Variants in PLCE1 observed in about 807,000 individuals in gnomAD.
The protein encoded by PLCE1 is 1-phosphatidylinositol 4,5-bisphosphate phosphodiesterase epsilon-1.
In PLCE1, 119 loss-of-function variants were observed where a neutral mutation model predicts 242.8. The observed-to-expected ratio is 0.49, with a 90% CI of 0.42 to 0.57. The LOEUF is 0.57. Among genes scored for constraint, PLCE1 ranks in the 20% least tolerant of loss-of-function variants. The pLI is 0.00. For missense variants in PLCE1, 2,441 were observed against 2,788.8 expected (o/e 0.88, Z 2.81); for synonymous variants, 945 against 1,017.4 (o/e 0.93, Z 1.35).
At chr10:94,158,325 A>T (rs2047496433) in intron 3 of PLCE1, among the ~76,000 whole-genome samples, 2 of 152,136 alleles carry the variant, frequency 1.3e-5, no homozygotes, top group African/African-American at 4.8e-5. Context: ...GTAAACTTTG[A>T]GTCAGTAATG....
At chr10:94,221,574 A>G (rs960152905) in intron 4 of PLCE1, among the ~76,000 whole-genome samples, 5 of 152,164 alleles carry the variant, frequency 3.3e-5, no homozygotes, top group African/African-American at 1.2e-4. Context: ...CCATCTTTCT[A>G]AAAATACAAA....
At chr10:94,046,699 C>A (rs777026498) in intron 2 of PLCE1, among the ~76,000 whole-genome samples, 2 of 152,152 alleles carry the variant, frequency 1.3e-5, no homozygotes, top group Non-Finnish European at 2.9e-5. Flanking sequence ...GCTTAAGGCT[C>A]CATAATGATT....
At chr10:94,308,521 G>C in intron 26 of PLCE1, 60 bp from the exon 27 acceptor site, 1 of 1,175,242 alleles carries the variant, frequency 8.5e-7, no homozygotes, top group African/African-American at 1.5e-5. Flanking sequence ...CGACTTCCAG[G>C]AGCATCTTCT....
intron 5 of PLCE1, among the ~76,000 whole-genome samples, chr10:94,230,777 T>TA (rs2050116621): frequency 6.6e-6 from 1 of 152,044 alleles, no homozygotes; most frequent in Non-Finnish European, 1.5e-5. Context: ...AATGGCTATT[T>TA]AAAAAAATTT....
intron 2 of PLCE1, among the ~76,000 whole-genome samples, chr10:94,085,241 G>T (rs373722409): frequency 1.3e-5 from 2 of 152,182 alleles, no homozygotes. Flanking sequence ...GGCTTTGGGG[G>T]TCCTAGTGGT....
chr10:94,275,305 T>C (rs1369211735), intron 19 of PLCE1, among the ~76,000 whole-genome samples: 5 of 152,214 alleles, frequency 3.3e-5, no homozygotes, highest in African/African-American at 1.2e-4. Flanking sequence ...TAAAAATTCT[T>C]GTTGTGCCAA....
At chr10:94,166,719 G>A (rs1242129539) in intron 3 of PLCE1, among the ~76,000 whole-genome samples, 1 of 152,048 alleles carries the variant, frequency 6.6e-6, no homozygotes, top group Non-Finnish European at 1.5e-5. Context: ...TCTCTCAATA[G>A]CAGCTTGTCT....
At chr10:94,326,393 A>T (rs1192028397) in intron 32 of PLCE1, among the ~76,000 whole-genome samples, 1 of 152,206 alleles carries the variant, frequency 6.6e-6, no homozygotes, top group Non-Finnish European at 1.5e-5. Flanking sequence ...AACTCCTAAA[A>T]TAACTGATGT....
intron 2 of PLCE1, among the ~76,000 whole-genome samples, chr10:94,065,177 C>T (rs771629100): frequency 1.3e-5 from 2 of 152,184 alleles, no homozygotes; most frequent in African/African-American, 2.4e-5. Context: ...TGCCTTCACC[C>T]GTCCTGGATT....
intron 29 of PLCE1, among the ~76,000 whole-genome samples, chr10:94,316,989 G>A (rs560900163): frequency 1.3e-5 from 2 of 152,226 alleles, no homozygotes; most frequent in South Asian, 2.1e-4. Context: ...GGTGGCTCAC[G>A]CCTGTAATCT....
chr10:94,159,542 T>G (rs2047542594), intron 3 of PLCE1, among the ~76,000 whole-genome samples: 1 of 152,210 alleles, frequency 6.6e-6, no homozygotes, highest in Non-Finnish European at 1.5e-5. Context: ...TTAAAACAAG[T>G]CTACAAAGTT....
chr10:94,179,576 G>T (rs1220275858), intron 4 of PLCE1, among the ~76,000 whole-genome samples: 6 of 126,934 alleles, frequency 4.7e-5, no homozygotes, highest in African/African-American at 9.0e-5. Context: ...GCTGATCTTT[G>T]CTCAGTGCAG....
chr10:94,211,567 T>G (rs1439824575), intron 4 of PLCE1, among the ~76,000 whole-genome samples: 1 of 152,246 alleles, frequency 6.6e-6, no homozygotes, highest in East Asian at 1.9e-4. Flanking sequence ...TAGAACCGCA[T>G]AGCTAAAAGT....
intron 3 of PLCE1, among the ~76,000 whole-genome samples, chr10:94,170,408 G>A (rs2047935929): frequency 6.6e-6 from 1 of 152,186 alleles, no homozygotes; most frequent in Admixed American, 6.5e-5. Context: ...GCAAGTATGT[G>A]GCTCTAATTA....
chr10:94,062,072 A>G (rs1329238387), intron 2 of PLCE1, among the ~76,000 whole-genome samples: 1 of 152,258 alleles, frequency 6.6e-6, no homozygotes, highest in African/African-American at 2.4e-5. Flanking sequence ...TAATAAATGT[A>G]TAATGTTAAG....
intron 1 of PLCE1, among the ~76,000 whole-genome samples, chr10:94,013,671 C>A (rs528891549): frequency 2.6e-5 from 4 of 152,180 alleles, no homozygotes; most frequent in East Asian, 1.9e-4. Flanking sequence ...GGGAGGCAAA[C>A]AAGTTACTAG....
rs985061792 is a variant in PLCE1, at chr10:94,230,146, C to G, written c.1955+2695C>G. On this transcript the variant is annotated intron_variant, in intron 5 of 32. Transcript: ENST00000371380. The stretch of plus-strand genomic sequence containing the variant: ...ACATTTTGCTTCCTCTAACTAAATT[C>G]TTAGCTCTCTTAAGCCACTAGTAAG... 5.3e-5 allele frequency among the ~76,000 whole-genome samples: 8 copies of G among 152,162 alleles called. No homozygotes were observed. In the East Asian group the frequency reaches 9.7e-4, roughly 18 times the overall value.
intron 4 of PLCE1, among the ~76,000 whole-genome samples, chr10:94,183,366 C>A (rs925008819): frequency 2.6e-5 from 4 of 151,978 alleles, no homozygotes; most frequent in Admixed American, 6.5e-5. Context: ...CACAGAACAA[C>A]ACAGACAAAG....
chr10:94,110,061 T>TTTTTC (rs2045900778), intron 2 of PLCE1, among the ~76,000 whole-genome samples: 1 of 104,242 alleles, frequency 9.6e-6, no homozygotes, highest in Non-Finnish European at 2.0e-5. Context: ...CTTTTTTCTT[T>TTTTTC]TTTTTTTTTT....
Sources: allele counts gnomAD v4.1 joint callset (sites outside exome capture counted in the v4.1 genomes callset), GRCh38; gene constraint gnomAD v4.1.1; transcripts MANE v1.5; gene names NCBI Gene and HGNC (gene_info 2026-07-23, HGNC 2026-07-21).